Variants in MYO10 observed in about 807,000 individuals in gnomAD.
MYO10 encodes myosin X, also known as unconventional myosin-X.
Under a neutral mutation model 257.3 loss-of-function variants are expected in MYO10, and 133 were observed. The observed-to-expected ratio is 0.52, with a 90% confidence interval of 0.45 to 0.60. MYO10 has a LOEUF of 0.60. MYO10 is among the 20% of genes least tolerant of loss of function. MYO10 has a pLI of 0.00. For missense variants in MYO10, 2,399 were observed against 2,635.7 expected (o/e 0.91, Z 1.97); for synonymous variants, 1,104 against 1,028.6 (o/e 1.07, Z -1.40).
At chr5:16,719,002 A>T (rs780706920) in intron 19 of MYO10, among the ~76,000 whole-genome samples, 1 of 152,206 alleles carries the variant, frequency 6.6e-6, no homozygotes, top group African/African-American at 2.4e-5. Context: ...GAATAAAAGC[A>T]GGTTGCCAGC....
At chr5:16,832,091 C>T (rs1490780583) in intron 2 of MYO10, among the ~76,000 whole-genome samples, 4 of 152,062 alleles carry the variant, frequency 2.6e-5, no homozygotes, top group African/African-American at 7.2e-5. Context: ...GGACTACAGG[C>T]GCATGCCACC....
intron 39 of MYO10, 84 bp downstream of exon 39, chr5:16,670,442 T>G (rs925006178): frequency 3.2e-6 from 4 of 1,265,018 alleles, no homozygotes; most frequent in African/African-American, 3.0e-5. Context: ...CCATCTTGTC[T>G]TCTCTCCACA....
Position 16,893,129 on chromosome 5 carries a change from G to A in MYO10, c.22-15422C>T, listed in dbSNP as rs368840442. Among the ~76,000 whole-genome samples the A allele has an allele frequency of 3.3e-4, 48 of 144,430 alleles. 1 individual carries two copies. Among genetic ancestry groups the A allele is most frequent in the Middle Eastern group, 7.4e-3 (2 of 270 alleles). The allele number at this position is 144,430 out of a possible 152,430, so 94.8% of individuals were successfully genotyped here. A position where few individuals can be genotyped will look rare whatever the true frequency, so the allele number is the denominator to read the frequency against. On this transcript the variant is annotated intron_variant, in intron 1 of 40. Transcript: ENST00000513610. ...GGAGAATGGCTTGAACCTGGGAGGCGGAGTTTGCAGTGAGCCGAGATTGCG... is the reference window on the plus strand; with the variant it reads ...GGAGAATGGCTTGAACCTGGGAGGCAGAGTTTGCAGTGAGCCGAGATTGCG...
intron 2 of MYO10, among the ~76,000 whole-genome samples, chr5:16,861,134 G>A (rs1461519060): frequency 1.3e-5 from 2 of 151,910 alleles, no homozygotes; most frequent in Non-Finnish European, 2.9e-5. Flanking sequence ...GAATTATTAC[G>A]TGCAGTCAGG....
At position 16,670,544 on chromosome 5, in the gene MYO10, C is replaced by T. The variant is rs371241992; in HGVS notation, c.5865G>A (p.Ser1955=). 54 of 1,609,548 alleles carry T rather than the reference C, an allele frequency of 3.4e-5. No individual in the cohort carries two copies. In the African/African-American group the frequency reaches 4.1e-4, roughly 12 times the overall value. ...TTCTCACCTCCACATCAAACAGCGT[C>T]GAGCCATAGCCAGGCCACTCCTTGA... is the stretch of plus-strand genomic sequence containing the variant. ...ALIKEWPGYG[S]TLFDVECKEG... Residue 1955 remains serine (S), a synonymous_variant, in exon 39 of 41, where the codon TCG becomes TCA. Coordinates refer to ENST00000513610, the MANE Select transcript of MYO10 (RefSeq NM_012334.3).
At chr5:16,746,202 C>CA (rs1740190404) in intron 19 of MYO10, among the ~76,000 whole-genome samples, 1 of 152,168 alleles carries the variant, frequency 6.6e-6, no homozygotes, top group Non-Finnish European at 1.5e-5. Flanking sequence ...TGTAAACTGT[C>CA]ACGGTGCTGA....
At chr5:16,917,588 T>A (rs1324573084) in intron 1 of MYO10, among the ~76,000 whole-genome samples, 2 of 151,488 alleles carry the variant, frequency 1.3e-5, no homozygotes, top group African/African-American at 4.9e-5. Context: ...ACATGGTGGG[T>A]CATGCCTGTA....
chr5:16,808,987 C>T (rs1439032469), intron 3 of MYO10, among the ~76,000 whole-genome samples: 2 of 146,754 alleles, frequency 1.4e-5, no homozygotes, highest in Non-Finnish European at 3.0e-5. Flanking sequence ...GAATCTAAAC[C>T]CAAAGAGAGA....
At chr5:16,841,947 A>G (rs1046690922) in intron 2 of MYO10, among the ~76,000 whole-genome samples, 2 of 150,176 alleles carry the variant, frequency 1.3e-5, no homozygotes, top group African/African-American at 4.9e-5. Flanking sequence ...AGATTAGCAC[A>G]ATATCTGATA....
At chr5:16,811,982 C>T (rs572133931) in intron 3 of MYO10, among the ~76,000 whole-genome samples, 2 of 152,204 alleles carry the variant, frequency 1.3e-5, no homozygotes, top group African/African-American at 2.4e-5. Flanking sequence ...CTCTCCTTAG[C>T]GGGTATTTGC....
intron 33 of MYO10, 79 bp from the exon 34 acceptor site, chr5:16,676,233 T>G: frequency 6.5e-7 from 1 of 1,535,882 alleles, no homozygotes; most frequent in Non-Finnish European, 8.8e-7. Context: ...CTCTCAAATA[T>G]CCATAAACCT....
intron 37 of MYO10, among the ~76,000 whole-genome samples, chr5:16,672,294 C>A (rs867895015): frequency 1.2e-3 from 152 of 122,210 alleles, no homozygotes; most frequent in Middle Eastern, 8.7e-3. Context: ...GACTCCATCT[C>A]AAAAAAAAAA....
rs1023195090 is a variant in MYO10 at position 16,749,450 on chromosome 5, G to A, written c.1929+5378C>T. ...TGCAGTGAACTGAGATTGCGCCACT[G>A]CACTCCAGCCTGGGTGACAGAGAGA... is the stretch of plus-strand genomic sequence containing the variant. On this transcript the variant is annotated intron_variant, in intron 19 of 40. Coordinates refer to ENST00000513610, the MANE Select transcript of MYO10 (RefSeq NM_012334.3). Among the ~76,000 whole-genome samples, 5 of 148,346 alleles carry A rather than the reference G, an allele frequency of 3.4e-5. No individual in the cohort carries two copies. In the Admixed American group the frequency reaches 3.4e-4, roughly 10 times the overall value.
In MYO10 at chr5:16,860,814, C is replaced by T. The variant is rs368139242; in HGVS notation, c.120+16795G>A. 3.3e-5 allele frequency among the ~76,000 whole-genome samples: 5 copies of T among 152,198 alleles called. No individual in the cohort carries two copies. The East Asian group carries it at 9.7e-4, about 29-fold the overall frequency. On this transcript the variant is annotated intron_variant, in intron 2 of 40. Coordinates refer to ENST00000513610, the MANE Select transcript of MYO10 (RefSeq NM_012334.3). Reference sequence around the variant, plus strand: ...GGGAGCTATTCCAAATCAACGCAAGCACCGAAGACATTCTACAGAACCAGC... The same window carrying T: ...GGGAGCTATTCCAAATCAACGCAAGTACCGAAGACATTCTACAGAACCAGC...
chr5:16,666,289 G>A lies in MYO10; in HGVS notation c.*403C>T, dbSNP rs1033452464. The A allele has an allele frequency of 6.1e-6, 1 of 164,466 alleles. No homozygotes were observed. 10.2% of individuals were successfully genotyped at this position (164,466 alleles called of 1,614,324 possible). ...TTGGGAGGTTAGTGCATCATTGACA[G>A]AGAATGCCCCCCTTCCACGCTCTGT... On this transcript the variant is annotated 3_prime_UTR_variant, in exon 41 of 41. Coordinates refer to ENST00000513610, the MANE Select transcript of MYO10 (RefSeq NM_012334.3).
intron 25 of MYO10, among the ~76,000 whole-genome samples, chr5:16,700,182 C>T (rs1357871792): frequency 6.6e-6 from 1 of 152,062 alleles, no homozygotes; most frequent in Non-Finnish European, 1.5e-5. Context: ...CCTTTACAGC[C>T]ACTATAAGAA....
intron 3 of MYO10, among the ~76,000 whole-genome samples, chr5:16,816,040 T>TA (rs570072651): frequency 0.035 from 3,219 of 91,920 alleles, 43 homozygotes; most frequent in African/African-American, 0.037. Flanking sequence ...TTTCACAGTG[T>TA]AAAAAAAAAA....
chr5:16,934,331 A>G lies in MYO10; in HGVS notation c.21+1457T>C, dbSNP rs55784034. Reference sequence around the variant, plus strand: ...CCGTGCAAACTGAATACAAATTTCTATATTTTCATCAGATTTTCTAAGGGA... The same window carrying G: ...CCGTGCAAACTGAATACAAATTTCTGTATTTTCATCAGATTTTCTAAGGGA... On this transcript the variant is annotated intron_variant, in intron 1 of 40. Transcript: ENST00000513610. Among the ~76,000 whole-genome samples the G allele has an allele frequency of 4.0e-3, 616 of 152,368 alleles. 6 individuals carry two copies. Among genetic ancestry groups the G allele is most frequent in the African/African-American group, 0.014 (574 of 41,586 alleles).
At chr5:16,875,605 A>G (rs1744579202) in intron 2 of MYO10, among the ~76,000 whole-genome samples, 1 of 152,170 alleles carries the variant, frequency 6.6e-6, no homozygotes, top group African/African-American at 2.4e-5. Flanking sequence ...AGTTATATCT[A>G]TATACTGAAA....
Sources: gnomAD v4.1 joint callset for allele counts (sites outside exome capture counted in the v4.1 genomes callset) on GRCh38, gnomAD v4.1.1 for gene constraint, MANE v1.5 for transcripts, NCBI Gene and HGNC (gene_info 2026-07-23, HGNC 2026-07-21) for gene names.